Variants in CLIC4 observed in about 807,000 individuals in gnomAD.
The protein encoded by CLIC4 is CLIC family member 4.
Under a neutral mutation model 24.6 loss-of-function variants are expected in CLIC4, and 13 were observed. The ratio of observed to expected loss-of-function variants is 0.53; its 90% CI spans 0.34 to 0.84. CLIC4 has a LOEUF of 0.84. CLIC4 is among the 40% of genes least tolerant of loss of function. The pLI is 0.01. For missense variants in CLIC4, 227 were observed against 301.7 expected (o/e 0.75, Z 1.83); for synonymous variants, 104 against 111.3 (o/e 0.93, Z 0.41).
intron 1 of CLIC4, among the ~76,000 whole-genome samples, chr1:24,747,549 AAAG>A (rs1422348221): frequency 2.3e-4 from 35 of 150,174 alleles, no homozygotes; most frequent in Admixed American, 6.7e-4. Flanking sequence ...AAAAAAAAAA[AAAG>A]AAAGAAAGGA....
intron 1 of CLIC4, among the ~76,000 whole-genome samples, chr1:24,750,962 A>T (rs1368992698): frequency 6.6e-6 from 1 of 151,778 alleles, no homozygotes; most frequent in African/African-American, 2.4e-5. Flanking sequence ...AGTGCCTGCA[A>T]CTTAAGAGGA....
intron 1 of CLIC4, among the ~76,000 whole-genome samples, chr1:24,747,748 A>C (rs1467426053): frequency 1.3e-5 from 2 of 152,048 alleles, no homozygotes; most frequent in Non-Finnish European, 2.9e-5. Flanking sequence ...ACTTAGAATA[A>C]GCTACTATCG....
chr1:24,805,727 A>T (rs1639543535), intron 2 of CLIC4, among the ~76,000 whole-genome samples: 1 of 152,112 alleles, frequency 6.6e-6, no homozygotes, highest in Admixed American at 6.6e-5. Context: ...GCTATGCTGC[A>T]CTCATTTCAT....
At chr1:24,756,901 G>GA (rs1638859272) in intron 1 of CLIC4, among the ~76,000 whole-genome samples, 1 of 134,372 alleles carries the variant, frequency 7.4e-6, no homozygotes. Context: ...TTTTTTTAAT[G>GA]TTTTTTTTTT....
At chr1:24,756,269 G>T (rs1638848765) in intron 1 of CLIC4, among the ~76,000 whole-genome samples, 1 of 152,176 alleles carries the variant, frequency 6.6e-6, no homozygotes, top group Non-Finnish European at 1.5e-5. Flanking sequence ...AAAGTGCTGG[G>T]ATTACAGGCG....
intron 1 of CLIC4, among the ~76,000 whole-genome samples, chr1:24,768,812 A>G (rs1169873021): frequency 6.6e-6 from 1 of 151,678 alleles, no homozygotes; most frequent in Non-Finnish European, 1.5e-5. Flanking sequence ...AAGGCAGAAG[A>G]ATCACTTGAA....
intron 3 of CLIC4, among the ~76,000 whole-genome samples, chr1:24,816,234 GTTTTTTTTTT>G (rs71752506): frequency 2.4e-4 from 15 of 62,124 alleles, no homozygotes; most frequent in East Asian, 1.3e-3. Flanking sequence ...GAATGTTCGT[GTTTTTTTTTT>G]TTTTTTTTTT....
intron 2 of CLIC4, among the ~76,000 whole-genome samples, chr1:24,812,707 A>G (rs911172211): frequency 2.0e-5 from 3 of 152,056 alleles, no homozygotes; most frequent in Non-Finnish European, 4.4e-5. Context: ...TATTATATCT[A>G]GTGGAAAAGT....
intron 1 of CLIC4, among the ~76,000 whole-genome samples, chr1:24,767,882 C>T (rs561091601): frequency 1.9e-4 from 29 of 151,676 alleles, no homozygotes; most frequent in African/African-American, 6.8e-4. Flanking sequence ...TCCGCTCTGT[C>T]GCCCAGGCTG....
rs559115655 is a variant in CLIC4 at position 24,841,385 on chromosome 1, T to G, written c.*448T>G. The G allele has an allele frequency of 6.6e-6, 1 of 152,660 alleles. No individual in the cohort carries two copies. Among genetic ancestry groups the G allele is most frequent in the South Asian group, 2.1e-4 (1 of 4,828 alleles). 9.5% of individuals were successfully genotyped at this position (152,660 alleles called of 1,614,324 possible). On this transcript the variant is annotated 3_prime_UTR_variant, in exon 6 of 6. Coordinates refer to ENST00000374379, the MANE Select transcript of CLIC4 (RefSeq NM_013943.3). ...GAAATATTTATGTATTTTTTGGAAT[T>G]TTGTAATATTTAGTAAGAGTATATG...
chr1:24,792,141 T>C (rs1198521344), intron 1 of CLIC4, among the ~76,000 whole-genome samples: 1 of 151,264 alleles, frequency 6.6e-6, no homozygotes, highest in Non-Finnish European at 1.5e-5. Flanking sequence ...TGTGTGTATA[T>C]ATATGTATTT....
intron 4 of CLIC4, among the ~76,000 whole-genome samples, chr1:24,828,354 C>G (rs574407459): frequency 6.6e-6 from 1 of 151,478 alleles, no homozygotes; most frequent in Non-Finnish European, 1.5e-5. Flanking sequence ...AAGCAATTTT[C>G]TTTAGTAATT....
intron 3 of CLIC4, among the ~76,000 whole-genome samples, chr1:24,825,262 T>C (rs1639776594): frequency 6.6e-6 from 1 of 152,108 alleles, no homozygotes; most frequent in Admixed American, 6.5e-5. Context: ...TAGGAAGACA[T>C]AGATGTATTG....
rs869153638 is a variant in CLIC4, at chr1:24,748,499, GTTTTTTTTT to G, written c.72+2889_72+2897del. On this transcript the variant is annotated intron_variant, in intron 1 of 5. Transcript: ENST00000374379. ...TGCACTGATACAGATCAGGTTTTTT[GTTTTTTTTT>G]TTTTTTTTTTTTTTAATGAGATGGT... is the stretch of plus-strand genomic sequence containing the variant. Among the ~76,000 whole-genome samples, 3 of 80,620 alleles carry G rather than the reference GTTTTTTTTT, an allele frequency of 3.7e-5. No homozygotes were observed. In the South Asian group the frequency reaches 1.5e-3, roughly 41 times the overall value. The allele number at this position is 80,620 out of a possible 152,430, so 52.9% of individuals were successfully genotyped here.
chr1:24,817,423 C>T (rs1639683046), intron 3 of CLIC4, among the ~76,000 whole-genome samples: 2 of 152,180 alleles, frequency 1.3e-5, no homozygotes, highest in Admixed American at 1.3e-4. Context: ...ACGAACCAAC[C>T]TCTGCTACCT....
chr1:24,781,711 A>T (rs1217633146), intron 1 of CLIC4, among the ~76,000 whole-genome samples: 4 of 151,080 alleles, frequency 2.6e-5, no homozygotes, highest in Non-Finnish European at 5.9e-5. Flanking sequence ...ACTGTTGCAC[A>T]GGCTGGAGTG....
At chr1:24,758,705 G>A (rs774101058) in intron 1 of CLIC4, among the ~76,000 whole-genome samples, 8 of 152,184 alleles carry the variant, frequency 5.3e-5, no homozygotes, top group Admixed American at 4.6e-4. Flanking sequence ...TGATCTGCCC[G>A]CCTTGGCCTT....
chr1:24,749,869 C>T (rs1400144140), intron 1 of CLIC4, among the ~76,000 whole-genome samples: 1 of 151,724 alleles, frequency 6.6e-6, no homozygotes, highest in African/African-American at 2.4e-5. Context: ...CTGAGGCAGG[C>T]GGATCTCTTG....
intron 2 of CLIC4, among the ~76,000 whole-genome samples, chr1:24,800,380 C>T (rs1639472120): frequency 6.8e-6 from 1 of 146,216 alleles, no homozygotes; most frequent in African/African-American, 2.5e-5. Context: ...GCCGCCCCGT[C>T]CGGGAGGGAG....
Sources: allele counts gnomAD v4.1 joint callset (sites outside exome capture counted in the v4.1 genomes callset), GRCh38; gene constraint gnomAD v4.1.1; transcripts MANE v1.5; gene names NCBI Gene and HGNC (gene_info 2026-07-23, HGNC 2026-07-21).